CAGE1: variants seen among roughly 807,000 people sequenced by gnomAD.
The protein encoded by CAGE1 is cancer antigen 1, also known as cancer-associated gene 1 protein.
A neutral mutation model predicts 94.9 loss-of-function variants in CAGE1; 66 were observed. The observed-to-expected ratio is 0.70, with a 90% CI of 0.57 to 0.85. The LOEUF (loss-of-function observed/expected upper bound fraction) is 0.85, where lower values mean the gene tolerates loss of function less well. Among genes scored for constraint, CAGE1 ranks in the 40% least tolerant of loss-of-function variants. The probability of loss-of-function intolerance (pLI) is 0.00; values close to 1 mark genes in which losing one functional copy is unlikely to be tolerated. For synonymous variants in CAGE1, 319 were observed against 321.0 expected, an observed-to-expected ratio of 0.99 and a Z score of 0.07; for missense variants, 865 against 950.4, an observed-to-expected ratio of 0.91 and a Z score of 1.18.
In CAGE1 at chr6:7,389,693, A is replaced by C; in HGVS notation, c.-515T>G. On this transcript the variant is annotated 5_prime_UTR_variant, in exon 1 of 14. Coordinates refer to ENST00000502583, the MANE Select transcript of CAGE1 (RefSeq NM_001170692.2). Reference sequence around the variant, plus strand: ...GCCGGCTACTCAACACGCCTTCCTGAGAGCACAGAACATCCACAGCCCTAT... The same window carrying C: ...GCCGGCTACTCAACACGCCTTCCTGCGAGCACAGAACATCCACAGCCCTAT... 1 of 473,290 alleles carries C rather than the reference A, an allele frequency of 2.1e-6. No homozygotes were observed. Among genetic ancestry groups the C allele is most frequent in the Non-Finnish European group, 3.9e-6 (1 of 259,200 alleles). The allele number at this position is 473,290 out of a possible 1,614,324, so 29.3% of individuals were successfully genotyped here.
chr6:7,330,536 T>A (rs1033399138), intron 12 of CAGE1, among the ~76,000 whole-genome samples: 7 of 152,190 alleles, frequency 4.6e-5, no homozygotes, highest in Non-Finnish European at 8.8e-5. Flanking sequence ...AAATAAAACA[T>A]CTGAGGCTAT....
At chr6:7,333,560 T>C (rs1758826006) in intron 12 of CAGE1, among the ~76,000 whole-genome samples, 1 of 150,538 alleles carries the variant, frequency 6.6e-6, no homozygotes. Context: ...AGCACTTTCA[T>C]ATAATTATCT....
In CAGE1 at chr6:7,375,568, C is replaced by T. The variant is rs115103237; in HGVS notation, c.688-1437G>A. On this transcript the variant is annotated intron_variant, in intron 4 of 13. Coordinates refer to ENST00000502583, the MANE Select transcript of CAGE1 (RefSeq NM_001170692.2). ...TTTGGGTAACACAGTGATACCCTAT[C>T]TCTTCAAAAAAAATATTTTAAAAAT... Among the ~76,000 whole-genome samples, 980 of 152,204 alleles carry T rather than the reference C, an allele frequency of 6.4e-3. 4 individuals carry two copies. Among genetic ancestry groups the T allele is most frequent in the Non-Finnish European group, 0.011 (771 of 68,014 alleles).
chr6:7,375,802 T>C (rs1320113149), intron 4 of CAGE1, among the ~76,000 whole-genome samples: 4 of 152,200 alleles, frequency 2.6e-5, no homozygotes, highest in Non-Finnish European at 4.4e-5. Flanking sequence ...AGACAAGGAC[T>C]TCTGTATTTT....
chr6:7,355,455 G>A (rs116191164), intron 10 of CAGE1, among the ~76,000 whole-genome samples: 1,915 of 152,262 alleles, frequency 0.013, 38 homozygotes, highest in African/African-American at 0.044. Context: ...CACTAAGTTG[G>A]CAAGATTTAG....
At chr6:7,385,654 T>C in intron 3 of CAGE1, 131 bp downstream of exon 3, 1 of 434,940 alleles carries the variant, frequency 2.3e-6, no homozygotes, top group Non-Finnish European at 4.0e-6. Context: ...CTTATTTCAA[T>C]AAGATTTTTT....
intron 11 of CAGE1, among the ~76,000 whole-genome samples, chr6:7,352,874 C>T (rs1487484835): frequency 6.6e-6 from 1 of 152,136 alleles, no homozygotes; most frequent in East Asian, 1.9e-4. Flanking sequence ...CTTCATCTCT[C>T]GCCTTTTACC....
intron 5 of CAGE1, among the ~76,000 whole-genome samples, chr6:7,370,998 TAAAG>T (rs965115903): frequency 3.3e-5 from 5 of 152,314 alleles, no homozygotes; most frequent in South Asian, 4.1e-4. Context: ...ATAAGGAACT[TAAAG>T]AAAATTATAT....
intron 11 of CAGE1, among the ~76,000 whole-genome samples, chr6:7,344,238 C>T (rs1030633955): frequency 4.6e-5 from 7 of 152,046 alleles, no homozygotes; most frequent in Non-Finnish European, 1.0e-4. Flanking sequence ...CAGCGGGAAC[C>T]GGGGCTGGGC....
Position 7,368,760 on chromosome 6 carries a change from A to G in CAGE1, c.1932T>C (p.Ser644=). ...INSDAEHFKE[S]EKVSDIMLQK... ...GCAGCATTATATCACTAACCTTCTCACTCTCTTTGAAATGTTCAGCATCAG... is the reference window on the plus strand; with the variant it reads ...GCAGCATTATATCACTAACCTTCTCGCTCTCTTTGAAATGTTCAGCATCAG... Residue 644 remains serine, a synonymous_variant, in exon 7 of 14, where the codon AGT becomes AGC. Transcript: ENST00000502583. 1 of 1,558,100 alleles carries G rather than the reference A, an allele frequency of 6.4e-7. No individual in the cohort carries two copies.
At chr6:7,330,920 A>G (rs1378810880) in intron 12 of CAGE1, among the ~76,000 whole-genome samples, 1 of 152,240 alleles carries the variant, frequency 6.6e-6, no homozygotes, top group Non-Finnish European at 1.5e-5. Context: ...ATTCATATTT[A>G]AATTTTCTTA....
rs983600929 is a variant in CAGE1 at position 7,385,864 on chromosome 6, T to C, written c.204A>G (p.Ile68Met). ...GTTCDLPQNE[I>M]KNFERENEYE... ...ACTCATTTTCCCTTTCAAAATTCTTTATTTCGTTCTGTATTAATAAAAAAG... is the reference window on the plus strand; with the variant it reads ...ACTCATTTTCCCTTTCAAAATTCTTCATTTCGTTCTGTATTAATAAAAAAG... Residue 68 changes from isoleucine to methionine, a missense_variant, in exon 3 of 14, where the codon ATA (isoleucine) becomes ATG (methionine). By Grantham distance (10) the Ile-to-Met change is conservative (BLOSUM62 1). Transcript: ENST00000502583. The C allele has an allele frequency of 6.5e-7, 1 of 1,528,486 alleles. No homozygotes were observed. The highest frequency in any genetic ancestry group is 1.4e-5 in the African/African-American group (1 of 72,302). 94.7% of individuals were successfully genotyped at this position (1,528,486 alleles called of 1,614,324 possible). A position where few individuals can be genotyped will look rare whatever the true frequency, so the allele number is the denominator to read the frequency against.
intron 4 of CAGE1, among the ~76,000 whole-genome samples, chr6:7,376,657 C>T (rs1760756783): frequency 6.6e-6 from 1 of 152,106 alleles, no homozygotes; most frequent in African/African-American, 2.4e-5. Context: ...ATCTGACCCA[C>T]ACCACCTCTC....
chr6:7,341,671 A>T (rs1759181891), intron 11 of CAGE1: 1 of 721,686 alleles, frequency 1.4e-6, no homozygotes, highest in Admixed American at 1.8e-5. Flanking sequence ...AATCAACTCA[A>T]CCTTCACGTA....
At position 7,329,902 on chromosome 6, in the gene CAGE1, A is replaced by G. The variant is rs1488841431; in HGVS notation, c.2439-14T>C. On this transcript the variant is annotated splice_polypyrimidine_tract_variant and intron_variant, in intron 12 of 13. Transcript: ENST00000502583. ...AAGCTTTTTGATCTGTAAGAAATAG[A>G]AAGAAAATAATGTAAAAAGGAGGAA... 11 of 1,313,650 alleles carry G rather than the reference A, an allele frequency of 8.4e-6. No individual in the cohort carries two copies. The highest frequency in any genetic ancestry group is 1.2e-5 in the Non-Finnish European group (11 of 928,964). The allele number at this position is 1,313,650 out of a possible 1,614,324, so 81.4% of individuals were successfully genotyped here.
intron 11 of CAGE1, among the ~76,000 whole-genome samples, chr6:7,350,340 T>C (rs1337994412): frequency 9.2e-5 from 14 of 152,170 alleles, no homozygotes; most frequent in Admixed American, 9.2e-4. Context: ...CTGACAGCAC[T>C]AGACAGGTCA....
chr6:7,377,144 G>A (rs902138462), intron 4 of CAGE1, among the ~76,000 whole-genome samples: 4 of 152,080 alleles, frequency 2.6e-5, no homozygotes, highest in African/African-American at 9.7e-5. Flanking sequence ...TCTTCATGAG[G>A]ACAAGAACTA....
chr6:7,388,022 G>A (rs1761184939), intron 1 of CAGE1, among the ~76,000 whole-genome samples: 1 of 106,034 alleles, frequency 9.4e-6, no homozygotes, highest in Non-Finnish European at 1.8e-5. Context: ...GACAGAGCAA[G>A]ACTCCATCTC....
chr6:7,332,460 A>G (rs1265520727), intron 12 of CAGE1, among the ~76,000 whole-genome samples: 3 of 152,078 alleles, frequency 2.0e-5, no homozygotes, highest in African/African-American at 7.2e-5. Context: ...CTCAACTCTC[A>G]ACTGCATGGT....
Sources: gnomAD v4.1 joint callset for allele counts (sites outside exome capture counted in the v4.1 genomes callset) on GRCh38, gnomAD v4.1.1 for gene constraint, MANE v1.5 for transcripts, NCBI Gene and HGNC (gene_info 2026-07-23, HGNC 2026-07-21) for gene names.